The following SUGCT variants were observed in gnomAD, a reference collection of about 807,000 sequenced individuals.
SUGCT encodes succinyl-CoA:glutarate-CoA transferase.
SUGCT carries 41 observed loss-of-function variants against 55.0 expected under a neutral mutation model. The observed-to-expected ratio is 0.74, with a 90% CI of 0.58 to 0.97. The LOEUF (loss-of-function observed/expected upper bound fraction) is 0.97. Among genes scored for constraint, SUGCT ranks in the 50% least tolerant of loss-of-function variants. SUGCT has a pLI of 0.00. For missense variants in SUGCT, 568 were observed against 547.8 expected, an observed-to-expected ratio of 1.04 and a Z score of -0.37; for synonymous variants, 187 against 200.4, an observed-to-expected ratio of 0.93 and a Z score of 0.56.
intron 9 of SUGCT, among the ~76,000 whole-genome samples, chr7:40,335,112 A>G (rs1296575232): frequency 6.6e-6 from 1 of 152,084 alleles, no homozygotes; most frequent in Admixed American, 6.5e-5. Context: ...ATTGGTCTAT[A>G]TCTCTGTTTT....
chr7:40,647,289 C>G (rs1392907086), intron 12 of SUGCT, among the ~76,000 whole-genome samples: 1 of 152,186 alleles, frequency 6.6e-6, no homozygotes, highest in Non-Finnish European at 1.5e-5. Flanking sequence ...TAAGGGGTCA[C>G]TTTCAGACTA....
In SUGCT at chr7:40,548,186, CTT is replaced by C. The variant is rs1186226631; in HGVS notation, c.1089+51819_1089+51820del. ...AACTTCTTTCTTCTTTTCTTTCTTT[CTT>C]TTTTTTTTTTTTTTTTTTGTGATTA... On this transcript the variant is annotated intron_variant, in intron 12 of 13. Transcript: ENST00000335693. 2.4e-3 allele frequency among the ~76,000 whole-genome samples: 249 copies of C among 105,004 alleles called. 2 individuals carry two copies. The highest frequency in any genetic ancestry group is 8.5e-3 in the African/African-American group (223 of 26,186). The allele number at this position is 105,004 out of a possible 152,430, so 68.9% of individuals were successfully genotyped here.
the SUGCT span, among the ~76,000 whole-genome samples, chr7:41,036,542 T>C: frequency 6.6e-6 from 1 of 152,108 alleles, no homozygotes; most frequent in Non-Finnish European, 1.5e-5. Context: ...TTTCCTCCAC[T>C]CCCTTGACTG....
intron 6 of SUGCT, among the ~76,000 whole-genome samples, chr7:40,206,419 A>C (rs1786978861): frequency 6.6e-6 from 1 of 152,264 alleles, no homozygotes; most frequent in South Asian, 2.1e-4. Flanking sequence ...ACAAAGGTTA[A>C]AAGTATGTGG....
intron 6 of SUGCT, among the ~76,000 whole-genome samples, chr7:40,231,457 TATC>T (rs987556507): frequency 7.2e-5 from 11 of 152,150 alleles, no homozygotes; most frequent in African/African-American, 2.7e-4. Flanking sequence ...AGAATGAAAA[TATC>T]ATAAAATGCT....
intron 13 of SUGCT, among the ~76,000 whole-genome samples, chr7:40,832,564 T>TTG (rs1418649149): frequency 1.3e-5 from 2 of 150,176 alleles, no homozygotes; most frequent in African/African-American, 4.9e-5. Context: ...TTTTTTTTGT[T>TTG]TTTTTTTTTT....
chr7:41,027,599 A>G, the SUGCT span, among the ~76,000 whole-genome samples: 3 of 152,156 alleles, frequency 2.0e-5, no homozygotes, highest in East Asian at 1.9e-4. Context: ...TATATGTACT[A>G]CAGTTTGTGG....
intron 8 of SUGCT, among the ~76,000 whole-genome samples, chr7:40,312,731 G>T (rs765658603): frequency 4.7e-4 from 72 of 152,190 alleles, no homozygotes; most frequent in Non-Finnish European, 9.7e-4. Flanking sequence ...TAATGGAAAA[G>T]ATGATGTTGA....
Position 40,744,008 on chromosome 7 carries a change from G to A in SUGCT, c.1090-5426G>A, listed in dbSNP as rs1379197716. Among the ~76,000 whole-genome samples, 4 of 152,032 alleles carry A rather than the reference G, an allele frequency of 2.6e-5. No homozygotes were observed. The South Asian group carries it at 6.2e-4, about 24-fold the overall frequency. On this transcript the variant is annotated intron_variant, in intron 12 of 13. Coordinates refer to ENST00000335693, the MANE Select transcript of SUGCT (RefSeq NM_001193313.2). ...ACAATCTTGACTCACTGCAACCTCC[G>A]TCTCCTGGGTTCAAGCGATTCTCCT...
chr7:40,996,939 G>A, the SUGCT span, among the ~76,000 whole-genome samples: 1 of 152,166 alleles, frequency 6.6e-6, no homozygotes, highest in Non-Finnish European at 1.5e-5. Flanking sequence ...AATCCCAACT[G>A]TCAATGGGAT....
At chr7:40,717,826 T>C (rs2128680283) in intron 12 of SUGCT, among the ~76,000 whole-genome samples, 1 of 152,282 alleles carries the variant, frequency 6.6e-6, no homozygotes, top group South Asian at 2.1e-4. Flanking sequence ...GACATAGTTA[T>C]AGATATATAG....
At chr7:40,258,541 G>A (rs1404172543) in intron 7 of SUGCT, among the ~76,000 whole-genome samples, 1 of 152,114 alleles carries the variant, frequency 6.6e-6, no homozygotes, top group Non-Finnish European at 1.5e-5. Context: ...ACCATCTCCA[G>A]CTAATTATTG....
rs143505584 is a variant in SUGCT, at chr7:40,180,381, G to A, written c.101-566G>A. Among the ~76,000 whole-genome samples, 9 of 152,144 alleles carry A rather than the reference G, an allele frequency of 5.9e-5. No individual in the cohort carries two copies. The East Asian group carries it at 1.4e-3, about 23-fold the overall frequency. Reference sequence around the variant, plus strand: ...GATCCACCCGCCTCCGCCTCCCAAAGTGGTGGGATTACAGGCGTGAGCCAC... The same window carrying A: ...GATCCACCCGCCTCCGCCTCCCAAAATGGTGGGATTACAGGCGTGAGCCAC... On this transcript the variant is annotated intron_variant, in intron 1 of 13. Transcript: ENST00000335693.
the SUGCT span, among the ~76,000 whole-genome samples, chr7:41,007,747 A>T: frequency 6.6e-6 from 1 of 150,744 alleles, no homozygotes; most frequent in Non-Finnish European, 1.5e-5. Context: ...GGATTATTTG[A>T]CCATGAAAGC....
chr7:40,275,628 G>C (rs1792416953), intron 8 of SUGCT, among the ~76,000 whole-genome samples: 1 of 152,034 alleles, frequency 6.6e-6, no homozygotes, highest in Non-Finnish European at 1.5e-5. Context: ...CTTGTGGTTT[G>C]TCACCTACAT....
chr7:40,808,118 C>G (rs1405078884), intron 13 of SUGCT: 1 of 152,258 alleles, frequency 6.6e-6, no homozygotes, highest in Admixed American at 6.5e-5. Flanking sequence ...AACTATCACA[C>G]ATGGCTACTC....
chr7:40,476,163 C>A (rs1341968160), intron 11 of SUGCT, among the ~76,000 whole-genome samples: 1 of 152,138 alleles, frequency 6.6e-6, no homozygotes, highest in Non-Finnish European at 1.5e-5. Flanking sequence ...AATTAAATGT[C>A]TATGTCTATG....
At chr7:40,357,944 T>C (rs532640800) in intron 9 of SUGCT, among the ~76,000 whole-genome samples, 1 of 152,334 alleles carries the variant, frequency 6.6e-6, no homozygotes, top group South Asian at 2.1e-4. Context: ...TGATCTATGA[T>C]GAGTAGAATG....
chr7:40,928,029 G>A, the SUGCT span, among the ~76,000 whole-genome samples: 1 of 151,862 alleles, frequency 6.6e-6, no homozygotes. Flanking sequence ...TTGTTCCTTG[G>A]AAAGTAATCT....
Sources: allele counts gnomAD v4.1 joint callset (sites outside exome capture counted in the v4.1 genomes callset), GRCh38; gene constraint gnomAD v4.1.1; transcripts MANE v1.5; gene names NCBI Gene and HGNC (gene_info 2026-07-23, HGNC 2026-07-21).